The following ITGB3BP variants were observed in gnomAD, a reference collection of about 807,000 sequenced individuals.
ITGB3BP encodes centromere protein R.
In ITGB3BP, 27 loss-of-function variants were observed where a neutral mutation model predicts 29.1. The ratio of observed to expected loss-of-function variants is 0.93; its 90% confidence interval spans 0.68 to 1.28. The LOEUF (loss-of-function observed/expected upper bound fraction) is 1.28, where lower values mean the gene tolerates loss of function less well. ITGB3BP is among the 50% of genes most tolerant of loss of function. The pLI is 0.00. For missense variants in ITGB3BP, 192 were observed against 200.2 expected (o/e 0.96, Z 0.25); for synonymous variants, 61 against 61.4 (o/e 0.99, Z 0.03).
intron 4 of ITGB3BP, among the ~76,000 whole-genome samples, chr1:63,468,649 G>T (rs1430597566): frequency 7.3e-6 from 1 of 136,170 alleles, no homozygotes; most frequent in Non-Finnish European, 1.7e-5. Context: ...ACCACCTGAG[G>T]TAGGGAGTTC....
intron 4 of ITGB3BP, among the ~76,000 whole-genome samples, chr1:63,469,844 C>T (rs946059635): frequency 3.3e-5 from 5 of 152,204 alleles, no homozygotes; most frequent in African/African-American, 1.2e-4. Flanking sequence ...CTAAACTGGC[C>T]ATAAACAAAA....
At position 63,490,608 on chromosome 1, in the gene ITGB3BP, C is replaced by A. The variant is rs536129548; in HGVS notation, c.49-390G>T. ...CAGAGGTGCCTATTACTAAGCCTCA[C>A]ACAGAAACCTTAGGAAGGATCACTG... On this transcript the variant is annotated intron_variant, in intron 2 of 8. Coordinates refer to ENST00000271002, the MANE Select transcript of ITGB3BP (RefSeq NM_014288.5). Among the ~76,000 whole-genome samples the A allele has an allele frequency of 3.3e-5, 5 of 152,230 alleles. No homozygotes were observed. In the South Asian group the frequency reaches 1.0e-3, roughly 32 times the overall value.
At chr1:63,480,622 A>G (rs989079159) in intron 3 of ITGB3BP, among the ~76,000 whole-genome samples, 3 of 152,002 alleles carry the variant, frequency 2.0e-5, no homozygotes, top group Non-Finnish European at 4.4e-5. Flanking sequence ...CTTTGGACCT[A>G]TGTCTTCCTC....
chr1:63,472,480 C>T (rs1264180537), intron 4 of ITGB3BP, among the ~76,000 whole-genome samples: 2 of 145,998 alleles, frequency 1.4e-5, no homozygotes, highest in Non-Finnish European at 3.0e-5. Flanking sequence ...TCCCCTCTCT[C>T]CTCTCCACGG....
chr1:63,503,203 C>A (rs912823395), intron 2 of ITGB3BP, among the ~76,000 whole-genome samples: 14 of 152,060 alleles, frequency 9.2e-5, no homozygotes, highest in African/African-American at 3.4e-4. Flanking sequence ...TAATGATTGC[C>A]ATTCTAACTG....
intron 3 of ITGB3BP, among the ~76,000 whole-genome samples, chr1:63,487,128 T>C (rs1645546113): frequency 6.6e-6 from 1 of 152,040 alleles, no homozygotes; most frequent in African/African-American, 2.4e-5. Context: ...TGGTAAATGA[T>C]AGACTAGTAG....
At chr1:63,459,235 T>C (rs1418972948) in intron 4 of ITGB3BP, among the ~76,000 whole-genome samples, 2 of 152,178 alleles carry the variant, frequency 1.3e-5, no homozygotes, top group African/African-American at 2.4e-5. Context: ...CTCCACTTCC[T>C]CCATATTAAA....
At chr1:63,461,348 G>A (rs1463621542) in intron 4 of ITGB3BP, among the ~76,000 whole-genome samples, 1 of 150,040 alleles carries the variant, frequency 6.7e-6, no homozygotes, top group Non-Finnish European at 1.5e-5. Flanking sequence ...GGAAGCTCTT[G>A]ATCTACTCTG....
chr1:63,460,606 T>C (rs1229332367), intron 4 of ITGB3BP, among the ~76,000 whole-genome samples: 4 of 152,220 alleles, frequency 2.6e-5, no homozygotes, highest in South Asian at 2.1e-4. Context: ...GGAATAAACA[T>C]TGGTATATAA....
chr1:63,464,130 TA>T (rs202035799), intron 4 of ITGB3BP, among the ~76,000 whole-genome samples: 1,586 of 152,250 alleles, frequency 0.01, 12 homozygotes, highest in Non-Finnish European at 0.016. Context: ...TTTAGAACCA[TA>T]ATGATGGCTT....
chr1:63,448,787 A>G (rs1354420478), intron 7 of ITGB3BP, among the ~76,000 whole-genome samples: 1 of 152,092 alleles, frequency 6.6e-6, no homozygotes, highest in East Asian at 1.9e-4. Flanking sequence ...ATTTAATAAA[A>G]CCTATTAAGA....
At chr1:63,523,292 A>T, upstream of ITGB3BP, 1 of 918,802 alleles carries the variant, frequency 1.1e-6, no homozygotes, top group Non-Finnish European at 1.8e-6. Context: ...CCCCGCGACG[A>T]AGGATCCGGG....
intron 2 of ITGB3BP, among the ~76,000 whole-genome samples, chr1:63,506,162 G>T (rs1458996773): frequency 2.0e-5 from 3 of 152,096 alleles, no homozygotes; most frequent in Non-Finnish European, 4.4e-5. Flanking sequence ...TCTCTTTCTA[G>T]GTCTCTAAGG....
intron 2 of ITGB3BP, among the ~76,000 whole-genome samples, chr1:63,497,282 A>G (rs961775460): frequency 6.6e-6 from 1 of 152,160 alleles, no homozygotes; most frequent in African/African-American, 2.4e-5. Context: ...ACCAGTTTGG[A>G]TGACAGAATG....
At chr1:63,446,680 G>A in intron 8 of ITGB3BP, 126 bp downstream of exon 8, 1 of 699,420 alleles carries the variant, frequency 1.4e-6, no homozygotes, top group Non-Finnish European at 2.5e-6. Context: ...AAGCTCCAAA[G>A]CTATATCCCT....
At chr1:63,512,811 G>C (rs978199345) in intron 1 of ITGB3BP, among the ~76,000 whole-genome samples, 2 of 152,182 alleles carry the variant, frequency 1.3e-5, no homozygotes, top group East Asian at 1.9e-4. Context: ...GGAGTGTTTA[G>C]AGTATTACTG....
At chr1:63,477,424 T>A (rs1645359455) in intron 4 of ITGB3BP, among the ~76,000 whole-genome samples, 1 of 152,184 alleles carries the variant, frequency 6.6e-6, no homozygotes. Context: ...CAGCATAAGA[T>A]CATAAGCTCC....
chr1:63,469,463 A>G (rs1360934325), intron 4 of ITGB3BP, among the ~76,000 whole-genome samples: 1 of 151,912 alleles, frequency 6.6e-6, no homozygotes, highest in African/African-American at 2.4e-5. Flanking sequence ...AGTAGCTGGG[A>G]TTACAGACAT....
intron 4 of ITGB3BP, among the ~76,000 whole-genome samples, chr1:63,472,746 G>A (rs1645228487): frequency 1.3e-5 from 2 of 151,694 alleles, no homozygotes; most frequent in Non-Finnish European, 2.9e-5. Context: ...CGAGGCGCCG[G>A]GATTGCAGAC....
Sources: allele counts gnomAD v4.1 joint callset (sites outside exome capture counted in the v4.1 genomes callset), GRCh38; gene constraint gnomAD v4.1.1; transcripts MANE v1.5; gene names NCBI Gene and HGNC (gene_info 2026-07-23, HGNC 2026-07-21).